The following PLXNC1 variants were observed in gnomAD, a reference collection of about 807,000 sequenced individuals.
The protein encoded by PLXNC1 is plexin C1, also known as plexin-C1.
In PLXNC1, 75 loss-of-function variants were observed where a neutral mutation model predicts 178.2. That is an observed-to-expected ratio of 0.42 (90% CI 0.35 to 0.51). PLXNC1 has a LOEUF of 0.51. Among genes scored for constraint, PLXNC1 ranks in the 20% least tolerant of loss-of-function variants. PLXNC1 has a pLI of 0.02. For missense variants in PLXNC1, 1,503 were observed against 1,984.4 expected (o/e 0.76, Z 4.61); for synonymous variants, 790 against 779.9 (o/e 1.01, Z -0.22).
intron 4 of PLXNC1, among the ~76,000 whole-genome samples, chr12:94,201,526 C>A (rs750774023): frequency 1.3e-5 from 2 of 152,068 alleles, no homozygotes; most frequent in Non-Finnish European, 2.9e-5. Flanking sequence ...CAGGTGAAAA[C>A]TATTATTTGC....
chr12:94,226,317 TAGC>T (rs1242380577), intron 7 of PLXNC1, among the ~76,000 whole-genome samples: 2 of 151,698 alleles, frequency 1.3e-5, no homozygotes, highest in African/African-American at 4.8e-5. Flanking sequence ...GGTAGACAAA[TAGC>T]AGAACTGGAT....
Position 94,227,177 on chromosome 12 carries a change from C to CT in PLXNC1, c.1922_1923insT (p.Ser642IlefsTer24). ...CAGTGTCCAGTGGCTGTCGAGAAGA[C>CT]ATCAGGAGGAGGAAGACCCAAGGAG... On this transcript the variant is annotated frameshift_variant, in exon 9 of 31. Coordinates refer to ENST00000258526, the MANE Select transcript of PLXNC1 (RefSeq NM_005761.3). LOFTEE classifies it high-confidence loss of function. The CT allele has an allele frequency of 6.2e-7, 1 of 1,612,728 alleles. No homozygotes were observed. Among genetic ancestry groups the CT allele is most frequent in the Non-Finnish European group, 8.5e-7 (1 of 1,178,716 alleles).
chr12:94,156,400 ACCTCCTCTGCTT>A (rs1731776938), intron 1 of PLXNC1, among the ~76,000 whole-genome samples: 1 of 150,324 alleles, frequency 6.7e-6, no homozygotes, highest in South Asian at 2.1e-4. Flanking sequence ...CTACCAAATA[ACCTCCTCTGCTT>A]CCTCAAACAT....
chr12:94,300,967 T>C lies in PLXNC1; in HGVS notation c.4296T>C (p.Ile1432=), dbSNP rs2272335. 4.8e-3 allele frequency: 7,714 copies of C among 1,613,624 alleles called. 163 individuals carry two copies. In the East Asian group the frequency reaches 0.069, roughly 15 times the overall value. Residue 1432 remains isoleucine (I), a synonymous_variant, in exon 28 of 31, where the codon ATT becomes ATC. Coordinates refer to ENST00000258526, the MANE Select transcript of PLXNC1 (RefSeq NM_005761.3). ...ILKNPQFVFD[I]KKTPHIDGCL... ...AGAACCCTCAGTTTGTCTTTGACAT[T>C]AAGAAGACACCACATATAGACGGCT...
intron 7 of PLXNC1, 128 bp downstream of exon 7, chr12:94,224,443 G>A: frequency 3.0e-6 from 2 of 674,752 alleles, no homozygotes; most frequent in Non-Finnish European, 5.4e-6. Flanking sequence ...GAAGCATGGT[G>A]TAATGGGAGA....
In PLXNC1 at chr12:94,305,162, CTG is replaced by C. The variant is rs1293465303; in HGVS notation, c.4603-17_4603-16del. The C allele has an allele frequency of 6.7e-7, 1 of 1,497,312 alleles. No individual in the cohort carries two copies. The highest frequency in any genetic ancestry group is 1.7e-5 in the Admixed American group (1 of 58,114). 92.8% of individuals were successfully genotyped at this position (1,497,312 alleles called of 1,614,324 possible). A position where few individuals can be genotyped will look rare whatever the true frequency, so the allele number is the denominator to read the frequency against. On this transcript the variant is annotated splice_polypyrimidine_tract_variant and intron_variant, in intron 30 of 30. Transcript: ENST00000258526. ...GCTAAAACCACAATATCTAAAATAA[CTG>C]TTCTAATTGTCAACAGATTCTAAAT... is the stretch of plus-strand genomic sequence containing the variant.
At chr12:94,181,212 A>G (rs980053479) in intron 2 of PLXNC1, among the ~76,000 whole-genome samples, 3 of 151,906 alleles carry the variant, frequency 2.0e-5, no homozygotes, top group African/African-American at 7.3e-5. Context: ...ATCCTGGCCA[A>G]CGTAGTGAAA....
intron 11 of PLXNC1, among the ~76,000 whole-genome samples, chr12:94,242,879 C>T (rs879516130): frequency 9.9e-5 from 15 of 152,210 alleles, no homozygotes; most frequent in Admixed American, 3.3e-4. Flanking sequence ...ACCCCAGCCT[C>T]CCAGACAGCT....
chr12:94,292,099 C>T (rs1346579032), intron 23 of PLXNC1, among the ~76,000 whole-genome samples: 1 of 152,144 alleles, frequency 6.6e-6, no homozygotes, highest in Non-Finnish European at 1.5e-5. Context: ...TATATTCATA[C>T]TACATGAACT....
At chr12:94,286,532 C>T (rs1050005897) in intron 23 of PLXNC1, among the ~76,000 whole-genome samples, 3 of 149,860 alleles carry the variant, frequency 2.0e-5, no homozygotes, top group African/African-American at 7.4e-5. Flanking sequence ...ACTAGCATTT[C>T]CCTCCAAAGA....
chr12:94,216,938 G>A (rs147213136), intron 5 of PLXNC1, among the ~76,000 whole-genome samples: 42 of 152,184 alleles, frequency 2.8e-4, no homozygotes, highest in Non-Finnish European at 5.4e-4. Flanking sequence ...CCTATACTGG[G>A]TTTCTTAGGA....
intron 23 of PLXNC1, among the ~76,000 whole-genome samples, chr12:94,292,793 C>T (rs1279946203): frequency 6.6e-6 from 1 of 152,220 alleles, no homozygotes; most frequent in Non-Finnish European, 1.5e-5. Context: ...GAATTTTCCA[C>T]TTGTGGCACC....
intron 2 of PLXNC1, among the ~76,000 whole-genome samples, chr12:94,175,473 T>C (rs116272886): frequency 4.6e-4 from 70 of 152,336 alleles, no homozygotes; most frequent in African/African-American, 1.5e-3. Flanking sequence ...CTTGAACCTG[T>C]CTTACAATTG....
At chr12:94,176,362 A>C (rs1962049291) in intron 2 of PLXNC1, 1 of 152,132 alleles carries the variant, frequency 6.6e-6, no homozygotes, top group Non-Finnish European at 1.5e-5. Context: ...GCTAGGTGAG[A>C]GATGATATGA....
chr12:94,278,370 TTTG>T (rs1966146775), intron 21 of PLXNC1, among the ~76,000 whole-genome samples: 1 of 152,232 alleles, frequency 6.6e-6, no homozygotes, highest in Non-Finnish European at 1.5e-5. Flanking sequence ...CAGGTAAAAC[TTTG>T]TTGTTTTAGA....
At position 94,255,310 on chromosome 12, in the gene PLXNC1, G is replaced by A; in HGVS notation, c.3087+14G>A. The A allele has an allele frequency of 1.3e-6, 2 of 1,515,360 alleles. No individual in the cohort carries two copies. Among genetic ancestry groups the A allele is most frequent in the East Asian group, 2.3e-5 (1 of 44,428 alleles). 93.9% of individuals were successfully genotyped at this position (1,515,360 alleles called of 1,614,324 possible). A position where few individuals can be genotyped will look rare whatever the true frequency, so the allele number is the denominator to read the frequency against. ...TTCTTCCCTGAGGTAAAAGAGCATT[G>A]ATCATATTCCGAAGGTTGAGTCTTG... On this transcript the variant is annotated intron_variant, in intron 17 of 30. Transcript: ENST00000258526.
At chr12:94,304,327 G>A in intron 30 of PLXNC1, 1 of 314,874 alleles carries the variant, frequency 3.2e-6, no homozygotes, top group Non-Finnish European at 5.8e-6. Flanking sequence ...ACTTTGATGA[G>A]TAAGTAGTGG....
chr12:94,164,804 A>T (rs1961543337), intron 1 of PLXNC1, among the ~76,000 whole-genome samples: 1 of 152,060 alleles, frequency 6.6e-6, no homozygotes, highest in South Asian at 2.1e-4. Flanking sequence ...ACATCGCTTG[A>T]GCCAAGGTAG....
chr12:94,264,715 G>A (rs958731271), intron 20 of PLXNC1, among the ~76,000 whole-genome samples: 4 of 152,182 alleles, frequency 2.6e-5, no homozygotes, highest in Non-Finnish European at 4.4e-5. Flanking sequence ...GATTAAATAC[G>A]AATGTAAACA....
Sources: gnomAD v4.1 joint callset for allele counts (sites outside exome capture counted in the v4.1 genomes callset) on GRCh38, gnomAD v4.1.1 for gene constraint, MANE v1.5 for transcripts, NCBI Gene and HGNC (gene_info 2026-07-23, HGNC 2026-07-21) for gene names.